Variants in RANBP17 observed in about 807,000 individuals in gnomAD.
The protein encoded by RANBP17 is ran-binding protein 17.
In RANBP17, 158 loss-of-function variants were observed where a neutral mutation model predicts 141.2. That is an observed-to-expected ratio of 1.12 (90% CI 0.98 to 1.28). The LOEUF is 1.28. Among genes scored for constraint, RANBP17 ranks in the 50% most tolerant of loss-of-function variants. RANBP17 has a pLI of 0.00. For missense variants in RANBP17, 1,438 were observed against 1,290.7 expected, an observed-to-expected ratio of 1.11 and a Z score of -1.75; for synonymous variants, 430 against 450.0, an observed-to-expected ratio of 0.96 and a Z score of 0.56.
intron 20 of RANBP17, among the ~76,000 whole-genome samples, chr5:171,211,628 G>GTTT (rs1226824979): frequency 1.4e-4 from 18 of 126,102 alleles, no homozygotes; most frequent in Middle Eastern, 4.1e-3. Context: ...TGAGGGCAGG[G>GTTT]TTTTTTTTTT....
At chr5:171,266,702 A>G (rs1374139759) in intron 25 of RANBP17, among the ~76,000 whole-genome samples, 2 of 152,148 alleles carry the variant, frequency 1.3e-5, no homozygotes, top group African/African-American at 4.8e-5. Context: ...TCACCAGGTC[A>G]GGAGTTCAAG....
intron 16 of RANBP17, among the ~76,000 whole-genome samples, chr5:171,176,783 G>T (rs1484364258): frequency 1.3e-5 from 2 of 152,134 alleles, no homozygotes; most frequent in African/African-American, 2.4e-5. Context: ...TAAGTATGCA[G>T]CTTTTAAACT....
intron 12 of RANBP17, among the ~76,000 whole-genome samples, chr5:170,942,897 T>C (rs1156901208): frequency 6.6e-6 from 1 of 152,214 alleles, no homozygotes; most frequent in East Asian, 1.9e-4. Flanking sequence ...AATAATTTAG[T>C]GGTATTACAT....
chr5:170,937,406 C>T (rs1773971165), intron 12 of RANBP17, among the ~76,000 whole-genome samples: 1 of 152,252 alleles, frequency 6.6e-6, no homozygotes, highest in East Asian at 1.9e-4. Context: ...TGGGCCTGTC[C>T]TAGGCTTTTT....
rs779577685 is a variant in RANBP17 at position 170,916,578 on chromosome 5, C to A, written c.948C>A (p.Asn316Lys). The A allele has an allele frequency of 3.9e-6, 6 of 1,547,668 alleles. No homozygotes were observed. Among genetic ancestry groups the A allele is most frequent in the Non-Finnish European group, 5.3e-6 (6 of 1,139,446 alleles). ...LIKGVKRILE[N>K]PQGLSDPGNY... is the part of the protein sequence containing the mutation. ...AGGGAGTAAAAAGGATACTTGAAAA[C>A]CCTCAGGTATTTATGAAGTAATTTA... The change falls in exon 9 of 28, where the codon AAC becomes AAA. Residue 316 changes from asparagine to lysine, a missense_variant. By Grantham distance (94) the Asn-to-Lys change is moderately conservative. Coordinates refer to ENST00000523189, the MANE Select transcript of RANBP17 (RefSeq NM_022897.5).
intron 14 of RANBP17, among the ~76,000 whole-genome samples, chr5:171,104,555 A>C (rs924115344): frequency 3.4e-4 from 51 of 152,220 alleles, no homozygotes; most frequent in Admixed American, 2.6e-3. Flanking sequence ...ACTATTTTCC[A>C]CAGAACAGAA....
At chr5:170,954,718 G>C (rs1300836124) in intron 13 of RANBP17, among the ~76,000 whole-genome samples, 1 of 151,760 alleles carries the variant, frequency 6.6e-6, no homozygotes, top group East Asian at 1.9e-4. Flanking sequence ...ATTGTTTTTA[G>C]TTATATCTTT....
chr5:171,126,383 TAAAC>T (rs747853943), intron 14 of RANBP17, among the ~76,000 whole-genome samples: 14 of 151,692 alleles, frequency 9.2e-5, no homozygotes, highest in Non-Finnish European at 2.1e-4. Flanking sequence ...AGATTTCAAA[TAAAC>T]AACCAAATGA....
At chr5:171,263,242 T>C (rs1766448775) in intron 24 of RANBP17, among the ~76,000 whole-genome samples, 1 of 152,190 alleles carries the variant, frequency 6.6e-6, no homozygotes, top group African/African-American at 2.4e-5. Context: ...ACTCTTTTAG[T>C]CTCCTTCTCC....
Position 170,919,497 on chromosome 5 carries a change from G to A in RANBP17, c.1158G>A (p.Met386Ile), listed in dbSNP as rs1325118861. Reference protein sequence around the residue: ...VHYLLTLWQRMVASVPFVKST... With the variant: ...VHYLLTLWQRIVASVPFVKST... ...ATTTATTAACTCTGTGGCAAAGGAT[G>A]GTAGCATCTGTTCCTTTTGTGAAAT... Residue 386 changes from methionine (M) to isoleucine (I), a missense_variant, in exon 11 of 28, where the codon ATG (methionine) becomes ATA (isoleucine). Physicochemically the swap from Met to Ile is conservative, Grantham distance 10. Coordinates refer to ENST00000523189, the MANE Select transcript of RANBP17 (RefSeq NM_022897.5). 1.2e-6 allele frequency: 2 copies of A among 1,610,572 alleles called. No homozygotes were observed. The highest frequency in any genetic ancestry group is 1.7e-5 in the Admixed American group (1 of 59,174).
At chr5:171,219,279 T>C (rs1763411780) in intron 21 of RANBP17, among the ~76,000 whole-genome samples, 1 of 152,202 alleles carries the variant, frequency 6.6e-6, no homozygotes, top group South Asian at 2.1e-4. Flanking sequence ...CTGATGCACT[T>C]CCCTTTGTAG....
chr5:170,947,221 G>T (rs1774838620), intron 12 of RANBP17, among the ~76,000 whole-genome samples: 1 of 151,860 alleles, frequency 6.6e-6, no homozygotes, highest in Non-Finnish European at 1.5e-5. Flanking sequence ...TTATTAAATT[G>T]GTAATGTTAA....
intron 14 of RANBP17, among the ~76,000 whole-genome samples, chr5:171,032,743 C>A (rs927099194): frequency 6.6e-5 from 10 of 152,098 alleles, no homozygotes; most frequent in African/African-American, 2.4e-4. Flanking sequence ...CATCATACAT[C>A]ATTACTGTGA....
intron 14 of RANBP17, among the ~76,000 whole-genome samples, chr5:171,140,375 C>G (rs1446098083): frequency 1.3e-5 from 2 of 152,162 alleles, no homozygotes; most frequent in African/African-American, 4.8e-5. Flanking sequence ...TCACATTAAT[C>G]AAATTCAGTT....
At chr5:171,094,434 C>T (rs1786529383) in intron 14 of RANBP17, among the ~76,000 whole-genome samples, 1 of 152,066 alleles carries the variant, frequency 6.6e-6, no homozygotes, top group African/African-American at 2.4e-5. Context: ...TGAAAATGCT[C>T]CTATAAATTG....
chr5:171,052,985 T>TGGG (rs1554088535), intron 14 of RANBP17, among the ~76,000 whole-genome samples: 4 of 151,930 alleles, frequency 2.6e-5, no homozygotes, highest in Non-Finnish European at 2.9e-5. Flanking sequence ...CCCAAGTAGC[T>TGGG]ACTTTCATAT....
chr5:170,941,625 T>A (rs754181745), intron 12 of RANBP17, among the ~76,000 whole-genome samples: 9 of 151,950 alleles, frequency 5.9e-5, no homozygotes, highest in Non-Finnish European at 1.0e-4. Flanking sequence ...TTTAGGAAAA[T>A]GATCAATAGC....
intron 7 of RANBP17, among the ~76,000 whole-genome samples, 173 bp from the exon 8 acceptor site, chr5:170,913,994 T>C (rs115067449): frequency 0.017 from 2,609 of 152,220 alleles, 68 homozygotes; most frequent in African/African-American, 0.059. Flanking sequence ...TTAATTTCTC[T>C]CTGTATTATT....
intron 14 of RANBP17, among the ~76,000 whole-genome samples, chr5:171,053,120 A>G (rs2127655306): frequency 6.6e-6 from 1 of 152,198 alleles, no homozygotes; most frequent in Admixed American, 6.5e-5. Flanking sequence ...GTGCCCGGCC[A>G]TGTCTTTCTA....
Sources: allele counts gnomAD v4.1 joint callset (sites outside exome capture counted in the v4.1 genomes callset), GRCh38; gene constraint gnomAD v4.1.1; transcripts MANE v1.5; gene names NCBI Gene and HGNC (gene_info 2026-07-23, HGNC 2026-07-21).